Variants in IL12RB2 observed in about 807,000 individuals in gnomAD.
IL12RB2 encodes interleukin-12 receptor subunit beta-2.
In IL12RB2, 82 loss-of-function variants were observed where a neutral mutation model predicts 89.4. That is an observed-to-expected ratio of 0.92 (90% CI 0.77 to 1.10). The LOEUF (loss-of-function observed/expected upper bound fraction) is 1.10, where lower values mean the gene tolerates loss of function less well. Ranked by LOEUF, IL12RB2 falls within the 50% of genes least tolerant of loss-of-function variation. The probability of loss-of-function intolerance (pLI) is 0.00; values close to 1 mark genes in which losing one functional copy is unlikely to be tolerated. For synonymous variants in IL12RB2, 368 were observed against 370.1 expected, an observed-to-expected ratio of 0.99 and a Z score of 0.07; for missense variants, 963 against 1,031.9, an observed-to-expected ratio of 0.93 and a Z score of 0.92.
At chr1:67,344,185 T>G (rs1031223062) in intron 9 of IL12RB2, among the ~76,000 whole-genome samples, 6 of 152,236 alleles carry the variant, frequency 3.9e-5, no homozygotes, top group African/African-American at 1.4e-4. Context: ...TGAAGCACTG[T>G]TCCACGGAAA....
intron 10 of IL12RB2, among the ~76,000 whole-genome samples, chr1:67,362,145 C>T (rs1662125270): frequency 6.6e-6 from 1 of 152,060 alleles, no homozygotes; most frequent in Admixed American, 6.5e-5. Context: ...GTGGCATGTG[C>T]CTATAATCCC....
intron 15 of IL12RB2, among the ~76,000 whole-genome samples, chr1:67,389,400 T>G (rs1426358338): frequency 6.6e-6 from 1 of 152,212 alleles, no homozygotes; most frequent in Non-Finnish European, 1.5e-5. Context: ...ATATTGTTCA[T>G]GAACTTTAAA....
At chr1:67,323,341 T>G (rs550159029) in intron 4 of IL12RB2, among the ~76,000 whole-genome samples, 1 of 152,360 alleles carries the variant, frequency 6.6e-6, no homozygotes, top group South Asian at 2.1e-4. Context: ...TGCGGTATAG[T>G]AGAAGTAGCA....
chr1:67,326,709 T>C lies in IL12RB2; in HGVS notation c.365-26T>C, dbSNP rs1345699643. 2.5e-6 allele frequency: 4 copies of C among 1,609,820 alleles called. No homozygotes were observed. The South Asian group carries it at 3.3e-5, about 13-fold the overall frequency. On this transcript the variant is annotated intron_variant, in intron 4 of 16. Transcript: ENST00000674203. ...GTTGAAATATCACCTGTGTGATATATAAGGTTTTGTCTTTTCTTTTTAAAG... is the reference window on the plus strand; with the variant it reads ...GTTGAAATATCACCTGTGTGATATACAAGGTTTTGTCTTTTCTTTTTAAAG...
intron 11 of IL12RB2, 40 bp from the exon 12 acceptor site, chr1:67,372,396 T>TC (rs111684741): frequency 1.0e-5 from 11 of 1,063,950 alleles, no homozygotes; most frequent in African/African-American, 6.2e-5. Flanking sequence ...GACTCACCAG[T>TC]AATGGCACGG....
chr1:67,365,599 T>G lies in IL12RB2; in HGVS notation c.1259-2226T>G, dbSNP rs192195340. ...TGGTAACATGAACAGTGTTTTCTGG[T>G]AAAGTGGCCAAGCCAGACACAGACC... On this transcript the variant is annotated intron_variant, in intron 10 of 16. Transcript: ENST00000674203. 3.3e-5 allele frequency among the ~76,000 whole-genome samples: 5 copies of G among 152,198 alleles called. No individual in the cohort carries two copies. The East Asian group carries it at 9.7e-4, about 29-fold the overall frequency.
rs1216895844 is a variant in IL12RB2, at chr1:67,326,854, G to A, written c.479+5G>A. On this transcript the variant is annotated splice_donor_5th_base_variant and intron_variant, in intron 5 of 16. Transcript: ENST00000674203. ...ATACACTGAGTATACTCTACAGTGA[G>A]TGAGAGGCTGTATTTTTGCAGCTGT... 6 of 1,435,088 alleles carry A rather than the reference G, an allele frequency of 4.2e-6. No homozygotes were observed. Among genetic ancestry groups the A allele is most frequent in the African/African-American group, 2.8e-5 (2 of 71,454 alleles). The allele number at this position is 1,435,088 out of a possible 1,614,324, so 88.9% of individuals were successfully genotyped here.
chr1:67,323,448 C>G (rs982024657), intron 4 of IL12RB2, among the ~76,000 whole-genome samples: 3 of 152,144 alleles, frequency 2.0e-5, no homozygotes, highest in Non-Finnish European at 4.4e-5. Context: ...AAGATAATAA[C>G]ATCTACCTCA....
At chr1:67,388,063 G>A (rs1022094305) in intron 15 of IL12RB2, among the ~76,000 whole-genome samples, 2 of 151,970 alleles carry the variant, frequency 1.3e-5, no homozygotes, top group African/African-American at 2.4e-5. Flanking sequence ...CTGTAGTCCC[G>A]GTATTCAGGA....
chr1:67,328,620 C>G (rs1452893489), intron 6 of IL12RB2, among the ~76,000 whole-genome samples: 1 of 152,020 alleles, frequency 6.6e-6, no homozygotes, highest in African/African-American at 2.4e-5. Flanking sequence ...AGAAATTAGC[C>G]CCTGGATTCA....
intron 16 of IL12RB2, among the ~76,000 whole-genome samples, chr1:67,391,539 A>G (rs1665829733): frequency 1.3e-5 from 2 of 148,572 alleles, no homozygotes; most frequent in South Asian, 4.2e-4. Flanking sequence ...TTATACATTC[A>G]TTATTATAAT....
At position 67,390,079 on chromosome 1, in the gene IL12RB2, T is replaced by C; in HGVS notation, c.1997T>C (p.Ile666Thr). The change falls in exon 16 of 17, where the codon ATT becomes ACT. Residue 666 changes from isoleucine to threonine, a missense_variant. Transcript: ENST00000674203. ...ALRPQWCSRE[I>T]PDPANSTCAK... Reference sequence around the variant, plus strand: ...AGACCTCAGTGGTGTAGCAGAGAAATTCCAGATCCAGCAAATAGCACTTGC... The same window carrying C: ...AGACCTCAGTGGTGTAGCAGAGAAACTCCAGATCCAGCAAATAGCACTTGC... The C allele has an allele frequency of 7.1e-7, 1 of 1,408,014 alleles. No individual in the cohort carries two copies. Among genetic ancestry groups the C allele is most frequent in the Non-Finnish European group, 1.0e-6 (1 of 991,738 alleles). The allele number at this position is 1,408,014 out of a possible 1,614,324, so 87.2% of individuals were successfully genotyped here.
intron 8 of IL12RB2, among the ~76,000 whole-genome samples, chr1:67,337,913 A>AAGAAAG (rs1553313307): frequency 1.4e-5 from 2 of 144,706 alleles, no homozygotes; most frequent in Non-Finnish European, 3.0e-5. Flanking sequence ...AAAAAAAAAA[A>AAGAAAG]AAAAGAAAAG....
chr1:67,383,849 A>G (rs562780722), intron 14 of IL12RB2, among the ~76,000 whole-genome samples: 23 of 152,370 alleles, frequency 1.5e-4, no homozygotes, highest in Non-Finnish European at 2.6e-4. Flanking sequence ...TTGCAACCTC[A>G]GGCATAAATA....
rs370197909 is a variant in IL12RB2 at position 67,395,864 on chromosome 1, G to C, written c.2364G>C (p.Val788=). 1.2e-6 allele frequency: 2 copies of C among 1,608,996 alleles called. No homozygotes were observed. Among genetic ancestry groups the C allele is most frequent in the Non-Finnish European group, 1.7e-6 (2 of 1,176,160 alleles). Residue 788 remains valine, a synonymous_variant, in exon 17 of 17, where the codon GTG becomes GTC. Coordinates refer to ENST00000674203, the MANE Select transcript of IL12RB2 (RefSeq NM_001374259.2). ...AAAACCCAGCCTGTCCCTGGACGGTGCTCCCAGCAGGTGACCTTCCCACCC... is the reference window on the plus strand; with the variant it reads ...AAAACCCAGCCTGTCCCTGGACGGTCCTCCCAGCAGGTGACCTTCCCACCC... ...KPENPACPWT[V]LPAGDLPTHD...
intron 2 of IL12RB2, among the ~76,000 whole-genome samples, chr1:67,314,295 G>A (rs184766187): frequency 1.3e-5 from 2 of 152,210 alleles, no homozygotes; most frequent in East Asian, 3.9e-4. Flanking sequence ...TACAACTCTA[G>A]TACACTGAAA....
intron 15 of IL12RB2, among the ~76,000 whole-genome samples, chr1:67,387,362 T>C (rs1665311254): frequency 6.6e-6 from 1 of 152,108 alleles, no homozygotes; most frequent in African/African-American, 2.4e-5. Context: ...CTGATATATC[T>C]TGTACTATAA....
At chr1:67,332,435 C>T (rs1056761727) in intron 8 of IL12RB2, among the ~76,000 whole-genome samples, 19 of 151,994 alleles carry the variant, frequency 1.3e-4, no homozygotes, top group African/African-American at 4.4e-4. Flanking sequence ...AGGCTGGTCT[C>T]GAACTCTTGA....
intron 16 of IL12RB2, among the ~76,000 whole-genome samples, chr1:67,393,636 G>A (rs1007793111): frequency 3.3e-5 from 5 of 152,194 alleles, no homozygotes; most frequent in East Asian, 1.9e-4. Context: ...CTAGCTTGGC[G>A]GGGCCCTTTG....
Sources: allele counts gnomAD v4.1 joint callset (sites outside exome capture counted in the v4.1 genomes callset), GRCh38; gene constraint gnomAD v4.1.1; transcripts MANE v1.5; gene names NCBI Gene and HGNC (gene_info 2026-07-23, HGNC 2026-07-21).